LRMDA: variants seen among roughly 807,000 people sequenced by gnomAD.
The protein encoded by LRMDA is leucine-rich melanocyte differentiation-associated protein.
LRMDA carries 18 observed loss-of-function variants against 29.8 expected under a neutral mutation model. The ratio of observed to expected loss-of-function variants is 0.60; its 90% CI spans 0.42 to 0.90. The LOEUF is 0.90. LRMDA is among the 40% of genes least tolerant of loss of function. The pLI is 0.00. For missense variants in LRMDA, 273 were observed against 273.9 expected, an observed-to-expected ratio of 1.00 and a Z score of 0.02; for synonymous variants, 125 against 109.4, an observed-to-expected ratio of 1.14 and a Z score of -0.89.
At chr10:76,427,816 A>G (rs539410187) in intron 6 of LRMDA, among the ~76,000 whole-genome samples, 2 of 152,238 alleles carry the variant, frequency 1.3e-5, no homozygotes, top group East Asian at 1.9e-4. Context: ...AGTATGAAGG[A>G]CTGTTGAATT....
chr10:75,933,885 C>T (rs1214660645), intron 2 of LRMDA, among the ~76,000 whole-genome samples: 2 of 152,178 alleles, frequency 1.3e-5, no homozygotes, highest in Non-Finnish European at 2.9e-5. Context: ...TTATCTCCCT[C>T]CTAGTTGCTC....
intron 2 of LRMDA, among the ~76,000 whole-genome samples, chr10:75,907,753 C>T (rs527786956): frequency 3.9e-5 from 6 of 152,292 alleles, no homozygotes; most frequent in African/African-American, 7.2e-5. Context: ...CCAACACCAT[C>T]GGCTCAAACT....
intron 2 of LRMDA, among the ~76,000 whole-genome samples, chr10:75,529,165 T>C (rs56674172): frequency 0.019 from 2,925 of 152,272 alleles, 93 homozygotes; most frequent in African/African-American, 0.067. Context: ...TGTCTACCAT[T>C]AAAATAGACT....
intron 2 of LRMDA, among the ~76,000 whole-genome samples, chr10:75,951,067 C>T (rs1436158659): frequency 6.6e-6 from 1 of 152,186 alleles, no homozygotes; most frequent in Non-Finnish European, 1.5e-5. Flanking sequence ...ACGTGTCATT[C>T]CTGGCAGCTG....
intron 2 of LRMDA, among the ~76,000 whole-genome samples, chr10:75,898,477 C>A (rs927151364): frequency 2.0e-5 from 3 of 152,100 alleles, no homozygotes; most frequent in African/African-American, 7.2e-5. Context: ...GTTCCTGATG[C>A]AAAGTCCAGG....
At chr10:75,494,268 T>G (rs969043605) in intron 2 of LRMDA, among the ~76,000 whole-genome samples, 9 of 152,158 alleles carry the variant, frequency 5.9e-5, no homozygotes, top group African/African-American at 2.2e-4. Flanking sequence ...CTTCTTGTCT[T>G]TAGAGATATG....
intron 2 of LRMDA, among the ~76,000 whole-genome samples, chr10:76,033,454 AG>A (rs1181988037): frequency 2.0e-5 from 3 of 152,094 alleles, no homozygotes; most frequent in Non-Finnish European, 2.9e-5. Flanking sequence ...GCCCACCCTG[AG>A]GGGAAGAAAG....
intron 5 of LRMDA, among the ~76,000 whole-genome samples, chr10:76,160,137 G>T (rs1265131655): frequency 8.6e-5 from 13 of 151,890 alleles, no homozygotes; most frequent in Non-Finnish European, 8.8e-5. Context: ...TTTCCCAGGG[G>T]TATATGGGAA....
chr10:75,556,271 G>T (rs892704958), intron 2 of LRMDA, among the ~76,000 whole-genome samples: 1 of 152,066 alleles, frequency 6.6e-6, no homozygotes, highest in Non-Finnish European at 1.5e-5. Flanking sequence ...AGAAAAAGTT[G>T]CACATTGCAT....
intron 5 of LRMDA, among the ~76,000 whole-genome samples, chr10:76,238,252 G>A (rs1014283766): frequency 2.6e-5 from 4 of 152,092 alleles, no homozygotes; most frequent in African/African-American, 9.7e-5. Flanking sequence ...GGTGAGCCGG[G>A]GTTGAGTTAG....
At chr10:76,504,335 CT>C (rs1487370250) in intron 6 of LRMDA, among the ~76,000 whole-genome samples, 2 of 151,926 alleles carry the variant, frequency 1.3e-5, no homozygotes, top group Admixed American at 1.3e-4. Flanking sequence ...CTTTAAATGT[CT>C]ATTGGGTCCA....
intron 6 of LRMDA, among the ~76,000 whole-genome samples, chr10:76,420,988 C>T (rs143824568): frequency 9.9e-4 from 151 of 152,224 alleles, no homozygotes; most frequent in African/African-American, 3.5e-3. Flanking sequence ...TTAGTCCTCA[C>T]GTGCAGTATT....
intron 2 of LRMDA, among the ~76,000 whole-genome samples, chr10:75,886,088 C>T (rs1239566405): frequency 6.6e-6 from 1 of 152,210 alleles, no homozygotes; most frequent in Non-Finnish European, 1.5e-5. Context: ...TTTCCTTCCA[C>T]CCCTAAGCTG....
intron 5 of LRMDA, among the ~76,000 whole-genome samples, chr10:76,184,177 C>G (rs988057400): frequency 6.6e-6 from 1 of 151,964 alleles, no homozygotes; most frequent in Admixed American, 6.6e-5. Flanking sequence ...ATTACAGGCT[C>G]GCACCACCAC....
rs1255531488 is a variant in LRMDA at position 75,713,506 on chromosome 10, C to CCT, written c.131+275012_131+275013insCT. The stretch of plus-strand genomic sequence containing the variant: ...TCCTGAGACCAGTTGATTCAAAGGT[C>CCT]TTGAATAAGAATTAGTGTTTTTAAA... On this transcript the variant is annotated intron_variant, in intron 2 of 6. Transcript: ENST00000611255. 1.5e-3 allele frequency among the ~76,000 whole-genome samples: 233 copies of CCT among 152,240 alleles called. 2 individuals carry two copies. The highest frequency in any genetic ancestry group is 5.5e-3 in the African/African-American group (227 of 41,554).
At chr10:76,031,092 G>C (rs1311133769) in intron 2 of LRMDA, among the ~76,000 whole-genome samples, 1 of 152,166 alleles carries the variant, frequency 6.6e-6, no homozygotes, top group Non-Finnish European at 1.5e-5. Flanking sequence ...TGTCCAATTA[G>C]AATTGATGCT....
chr10:75,432,331 G>T (rs534846028), intron 1 of LRMDA, among the ~76,000 whole-genome samples: 3 of 152,338 alleles, frequency 2.0e-5, no homozygotes, highest in South Asian at 4.1e-4. Context: ...CTGATGGAAG[G>T]CCACCGACCT....
intron 6 of LRMDA, among the ~76,000 whole-genome samples, chr10:76,509,934 G>A (rs1485407215): frequency 6.6e-6 from 1 of 152,210 alleles, no homozygotes; most frequent in African/African-American, 2.4e-5. Flanking sequence ...ATATGTAAAG[G>A]ACAGCTCAAA....
At chr10:75,668,099 G>C (rs7919876) in intron 2 of LRMDA, among the ~76,000 whole-genome samples, 16,602 of 152,252 alleles carry the variant, frequency 0.11, 2,082 homozygotes, top group East Asian at 0.33. Flanking sequence ...CTGAAGCCAA[G>C]GTTTCAATAG....
Sources: gnomAD v4.1 joint callset for allele counts (sites outside exome capture counted in the v4.1 genomes callset) on GRCh38, gnomAD v4.1.1 for gene constraint, MANE v1.5 for transcripts, NCBI Gene and HGNC (gene_info 2026-07-23, HGNC 2026-07-21) for gene names.